The following MYO15B variants were observed in gnomAD, a reference collection of about 807,000 sequenced individuals.
MYO15B encodes the protein myosin XVB.
A neutral mutation model predicts 119.3 loss-of-function variants in MYO15B; 207 were observed. The observed-to-expected ratio is 1.73, with a 90% CI of 1.55 to 1.95. The LOEUF (loss-of-function observed/expected upper bound fraction) is 1.95. Among genes scored for constraint, MYO15B ranks in the 30% most tolerant of loss-of-function variants. MYO15B has a pLI of 0.00. For missense variants in MYO15B, 2,264 were observed against 1,203.1 expected, an observed-to-expected ratio of 1.88 and a Z score of -13.04; for synonymous variants, 966 against 498.9, an observed-to-expected ratio of 1.94 and a Z score of -12.48.
chr17:75,625,859 T>C (rs569963140), exon 62 of MYO15B: 1 of 702,978 alleles, frequency 1.4e-6, no homozygotes, highest in Non-Finnish European at 2.6e-6. Context: ...ATGAGCCAGC[T>C]GCCCCTCTTC....
intron 49 of MYO15B, 90 bp downstream of exon 49, chr17:75,620,726 C>A (rs141937617): frequency 1.4e-6 from 1 of 691,958 alleles, no homozygotes; most frequent in African/African-American, 1.8e-5. Flanking sequence ...GGCTGCCATG[C>A]GGTGGGACCA....
intron 22 of MYO15B, among the ~76,000 whole-genome samples, 170 bp downstream of exon 22, chr17:75,610,429 G>A (rs998919706): frequency 1.8e-4 from 28 of 152,162 alleles, no homozygotes; most frequent in African/African-American, 6.3e-4. Flanking sequence ...GGGGTAGGCC[G>A]GGGCCCTTGG....
exon 41 of MYO15B, chr17:75,617,240 A>G (rs1598887573): frequency 5.8e-6 from 4 of 691,826 alleles, no homozygotes; most frequent in Non-Finnish European, 1.1e-5. Context: ...ACACACCCCC[A>G]CCTCCACCAG....
chr17:75,618,791 C>T (rs1023890928), intron 43 of MYO15B, among the ~76,000 whole-genome samples: 1 of 152,196 alleles, frequency 6.6e-6, no homozygotes. Context: ...TCTGAACGCT[C>T]CCAGGAGTGA....
chr17:75,600,989 C>T lies in MYO15B; in HGVS notation c.3526-449C>T, dbSNP rs367581509. On this transcript the variant is annotated intron_variant, in intron 14 of 63. Coordinates refer to ENST00000645453, the Ensembl canonical transcript of MYO15B. ...TGCCATCGTGGCTCACTGCAACCTC[C>T]GCCTCCTGGGTTCAAGTGATTCTCC... is the stretch of plus-strand genomic sequence containing the variant. Among the ~76,000 whole-genome samples the T allele has an allele frequency of 1.1e-3, 171 of 151,388 alleles. 2 individuals carry two copies. Among genetic ancestry groups the T allele is most frequent in the African/African-American group, 3.8e-3 (158 of 41,184 alleles).
rs543351319 is a variant in MYO15B, at chr17:75,596,412, G to T, written c.3298-48G>T. ...AGAATGAAGGAAGCCTCTGGGGTGG[G>T]GGGAGGGCACAGCCCCATGTGCCCA... On this transcript the variant is annotated intron_variant, in intron 12 of 63. Coordinates refer to ENST00000645453, the Ensembl canonical transcript of MYO15B. The T allele has an allele frequency of 9.2e-4, 648 of 700,994 alleles. 12 individuals carry two copies. Among genetic ancestry groups the T allele is most frequent in the South Asian group, 8.9e-3 (602 of 67,422 alleles). The allele number at this position is 700,994 out of a possible 1,614,324, so 43.4% of individuals were successfully genotyped here.
At chr17:75,616,725 A>T in exon 39 of MYO15B, 1 of 703,042 alleles carries the variant, frequency 1.4e-6, no homozygotes, top group Non-Finnish European at 2.6e-6. Flanking sequence ...GAAATTGGCA[A>T]CATCATCCGC....
chr17:75,622,293 A>C (rs1212690486), intron 53 of MYO15B, among the ~76,000 whole-genome samples: 1 of 152,232 alleles, frequency 6.6e-6, no homozygotes, highest in Non-Finnish European at 1.5e-5. Context: ...GTGAGAGGTC[A>C]CTGGAGAGTA....
At chr17:75,590,386 G>T (rs575528560) in intron 1 of MYO15B, 143 bp downstream of exon 1, 5 of 398,184 alleles carry the variant, frequency 1.3e-5, no homozygotes, top group Admixed American at 4.4e-5. Context: ...GAAGGGGCAG[G>T]TAAGGGGCAA....
At chr17:75,619,761 C>T (rs914427053) in exon 46 of MYO15B, 4 of 702,812 alleles carry the variant, frequency 5.7e-6, no homozygotes, top group Admixed American at 2.0e-5. Flanking sequence ...AAGGCCCCGG[C>T]CTCCGCCCCG....
chr17:75,614,837 C>T, exon 32 of MYO15B: 1 of 702,862 alleles, frequency 1.4e-6, no homozygotes, highest in Non-Finnish European at 2.6e-6. Flanking sequence ...CAGTGATATC[C>T]TCCGGCCTCA....
In MYO15B at chr17:75,589,585, A is replaced by T. The variant is rs2056310228; in HGVS notation, c.1528A>T (p.Met510Leu). 2.5e-6 allele frequency: 1 copy of T among 398,730 alleles called. No homozygotes were observed. The highest frequency in any genetic ancestry group is 4.4e-6 in the Non-Finnish European group (1 of 226,086). The allele number at this position is 398,730 out of a possible 1,614,324, so 24.7% of individuals were successfully genotyped here. ...GGCTGGCTTAGCAGGGCTGGGGGGT[A>T]TGCCGAGGGCTTCCCCTGGTGGCCG... The change falls in exon 1 of 64, where the codon ATG becomes TTG. Residue 510 changes from methionine to leucine, a missense_variant. Transcript: ENST00000645453. This position sits in a 1 kb window ranked among gnomAD's most constrained non-coding sequence, Gnocchi z 4.2.
intron 9 of MYO15B, chr17:75,593,074 C>T (rs1006042579): frequency 6.2e-6 from 3 of 481,688 alleles, no homozygotes; most frequent in African/African-American, 5.9e-5. Context: ...AGATGAGCAG[C>T]TATGGTCAGG....
At position 75,615,511 on chromosome 17, in the gene MYO15B, G is replaced by T. The variant is rs1312985753; in HGVS notation, c.5749G>T (p.Val1917Leu). ...GCCTGCCGCCCTCACAGCCATGGTG[G>T]TGCCGCCGCAGCCACCGCTTCCCAG... The change falls in exon 35 of 64, where the codon GTG becomes TTG. Residue 1917 changes from valine (V) to leucine (L), a missense_variant. Coordinates refer to ENST00000645453, the Ensembl canonical transcript of MYO15B. The T allele has an allele frequency of 2.0e-5, 14 of 695,782 alleles. No individual in the cohort carries two copies. In the East Asian group the frequency reaches 3.5e-4, roughly 17 times the overall value. 43.1% of individuals were successfully genotyped at this position (695,782 alleles called of 1,614,324 possible).
chr17:75,603,539 C>T (rs895842108), intron 19 of MYO15B, among the ~76,000 whole-genome samples: 1 of 152,248 alleles, frequency 6.6e-6, no homozygotes, highest in African/African-American at 2.4e-5. Context: ...GTCATTTCTT[C>T]TCCTCTCTGC....
At chr17:75,600,028 T>TC (rs1186459007) in intron 14 of MYO15B, among the ~76,000 whole-genome samples, 1 of 150,330 alleles carries the variant, frequency 6.7e-6, no homozygotes, top group Admixed American at 6.6e-5. Context: ...TTTTCTTTTT[T>TC]CTTTTTTTTT....
intron 25 of MYO15B, among the ~76,000 whole-genome samples, chr17:75,612,472 A>G (rs915061629): frequency 1.3e-5 from 2 of 152,114 alleles, no homozygotes; most frequent in African/African-American, 4.8e-5. Context: ...CAGGAGTTTG[A>G]GACCGGCCTG....
In MYO15B at chr17:75,603,250, G is replaced by A. The variant is rs370345831; in HGVS notation, c.3954G>A (p.Glu1318=). 5.1e-5 allele frequency: 36 copies of A among 703,110 alleles called. 1 individual carries two copies. Among genetic ancestry groups the A allele is most frequent in the African/African-American group, 3.5e-4 (20 of 57,404 alleles). 43.6% of individuals were successfully genotyped at this position (703,110 alleles called of 1,614,324 possible). Residue 1318 remains glutamate, a synonymous_variant, in exon 19 of 64, where the codon GAG becomes GAA. Transcript: ENST00000645453. ...AACTGCACCAGGCAGCCATACTGGA[G>A]GCCGTGGGCACCCGCAGTGCCAACT...
exon 25 of MYO15B, chr17:75,611,918 G>A (rs1181605249): frequency 1.4e-5 from 10 of 702,842 alleles, no homozygotes; most frequent in African/African-American, 5.2e-5. Context: ...GAGCATCACC[G>A]AGTGCCTGCC....
Sources: allele counts gnomAD v4.1 joint callset (sites outside exome capture counted in the v4.1 genomes callset), GRCh38; gene constraint gnomAD v4.1.1; non-coding constraint Gnocchi (gnomAD v3.1); transcripts MANE v1.5; gene names NCBI Gene and HGNC (gene_info 2026-07-23, HGNC 2026-07-21).